CCNG1: variants seen among roughly 807,000 people sequenced by gnomAD.
CCNG1 encodes cyclin G1.
CCNG1 carries 13 observed loss-of-function variants against 30.0 expected under a neutral mutation model. The ratio of observed to expected loss-of-function variants is 0.43; its 90% CI spans 0.28 to 0.69. The LOEUF (loss-of-function observed/expected upper bound fraction) is 0.69. Among genes scored for constraint, CCNG1 ranks in the 30% least tolerant of loss-of-function variants. CCNG1 has a pLI of 0.16. For missense variants in CCNG1, 285 were observed against 331.4 expected (o/e 0.86, Z 1.09); for synonymous variants, 110 against 121.5 (o/e 0.91, Z 0.62).
intron 1 of CCNG1, among the ~76,000 whole-genome samples, chr5:163,438,894 C>T (rs1332281058): frequency 2.6e-5 from 4 of 152,056 alleles, no homozygotes; most frequent in African/African-American, 4.8e-5. Flanking sequence ...GGCGCGGTGG[C>T]GCATGCCTGT....
chr5:163,452,791 A>G, the CCNG1 span: 3 of 152,210 alleles, frequency 2.0e-5, no homozygotes, highest in African/African-American at 7.2e-5. Flanking sequence ...ACAGAACTCA[A>G]AATAAGGGGT....
At chr5:163,456,775 CAAGA>C in the CCNG1 span, among the ~76,000 whole-genome samples, 4 of 152,140 alleles carry the variant, frequency 2.6e-5, no homozygotes, top group Admixed American at 6.5e-5. Context: ...CAAATCCATA[CAAGA>C]AAGGCCATTT....
chr5:163,456,802 A>C, the CCNG1 span: 1 of 743,588 alleles, frequency 1.3e-6, no homozygotes, highest in Non-Finnish European at 2.0e-6. Context: ...CTAACAATTC[A>C]CTTTAAAAAT....
At chr5:163,443,595 C>A in intron 6 of CCNG1, 79 bp from the exon 7 acceptor site, 1 of 727,214 alleles carries the variant, frequency 1.4e-6, no homozygotes, top group Non-Finnish European at 2.4e-6. Flanking sequence ...TAGATATGAA[C>A]ATTTCAATTT....
the CCNG1 span, among the ~76,000 whole-genome samples, chr5:163,455,718 C>T: frequency 1.1e-3 from 159 of 145,528 alleles, no homozygotes; most frequent in African/African-American, 4.0e-3. Flanking sequence ...CAGCAGAGAT[C>T]GCACCACTCC....
chr5:163,443,203 T>G (rs1231225612), intron 6 of CCNG1, among the ~76,000 whole-genome samples: 1 of 151,374 alleles, frequency 6.6e-6, no homozygotes, highest in Non-Finnish European at 1.5e-5. Flanking sequence ...TCCCAGCTAC[T>G]CGGGAGGCTG....
downstream of CCNG1, chr5:163,449,398 A>G (rs1221352614): frequency 6.6e-6 from 1 of 152,224 alleles, no homozygotes; most frequent in Non-Finnish European, 1.5e-5. Flanking sequence ...CAACTTAACA[A>G]TAGTTCCTCC....
At chr5:163,449,718 A>G (rs761594404), downstream of CCNG1, 8 of 152,248 alleles carry the variant, frequency 5.3e-5, no homozygotes, top group Non-Finnish European at 1.0e-4. Context: ...ATGAAAGGAT[A>G]AACACATAGA....
chr5:163,444,518 T>TA lies in CCNG1; in HGVS notation c.*849dup, dbSNP rs1244114500. The TA allele has an allele frequency of 1.3e-5, 2 of 152,658 alleles. No individual in the cohort carries two copies. Among genetic ancestry groups the TA allele is most frequent in the African/African-American group, 4.8e-5 (2 of 41,468 alleles). 9.5% of individuals were successfully genotyped at this position (152,658 alleles called of 1,614,324 possible). On this transcript the variant is annotated 3_prime_UTR_variant, in exon 7 of 7. Transcript: ENST00000340828. The stretch of plus-strand genomic sequence containing the variant: ...CTAGATTGAACACTCCAGAATTTTT[T>TA]ACTACAGACTGTTTTTAAGTTAGAA...
the CCNG1 span, chr5:163,457,091 A>AACAC: frequency 2.7e-6 from 4 of 1,491,362 alleles, no homozygotes; most frequent in African/African-American, 4.2e-5. Context: ...CTAAAAAAAA[A>AACAC]ACACACACAC....
chr5:163,457,083 A>T, the CCNG1 span: 4 of 1,403,080 alleles, frequency 2.9e-6, no homozygotes, highest in Non-Finnish European at 2.9e-6. Flanking sequence ...TCTGTCCTCT[A>T]AAAAAAAAAC....
Position 163,442,160 on chromosome 5 carries a change from G to GC in CCNG1, c.696+19dup. 1 of 1,501,788 alleles carries GC rather than the reference G, an allele frequency of 6.7e-7. No individual in the cohort carries two copies. Among genetic ancestry groups the GC allele is most frequent in the Non-Finnish European group, 9.2e-7 (1 of 1,087,708 alleles). The allele number at this position is 1,501,788 out of a possible 1,614,324, so 93.0% of individuals were successfully genotyped here. A position where few individuals can be genotyped will look rare whatever the true frequency, so the allele number is the denominator to read the frequency against. On this transcript the variant is annotated intron_variant, in intron 5 of 6. Coordinates refer to ENST00000340828, the MANE Select transcript of CCNG1 (RefSeq NM_004060.4). ...CATTCCAAGGTATGTGAAGGACATAGCCTAAATCCTATTAACAGCTGTAAA... is the reference window on the plus strand; with the variant it reads ...CATTCCAAGGTATGTGAAGGACATAGCCCTAAATCCTATTAACAGCTGTAAA...
the CCNG1 span, among the ~76,000 whole-genome samples, chr5:163,454,702 T>C: frequency 6.6e-6 from 1 of 152,216 alleles, no homozygotes; most frequent in Non-Finnish European, 1.5e-5. Context: ...GCTATACATA[T>C]ATAAGATATT....
chr5:163,457,133 C>T, the CCNG1 span: 253 of 1,431,726 alleles, frequency 1.8e-4, 1 homozygote, highest in Middle Eastern at 2.5e-3. Flanking sequence ...AGTTCTTCAT[C>T]AAGTTGTTTT....
chr5:163,452,935 T>C, the CCNG1 span: 2 of 152,340 alleles, frequency 1.3e-5, no homozygotes, highest in East Asian at 3.9e-4. Context: ...CTGGATCCTC[T>C]TGCTATATGG....
the CCNG1 span, among the ~76,000 whole-genome samples, chr5:163,455,468 G>C: frequency 6.6e-6 from 1 of 152,272 alleles, no homozygotes; most frequent in South Asian, 2.1e-4. Flanking sequence ...GATTTTAAAA[G>C]AACTGCTCTA....
chr5:163,450,034 C>CG (rs1357087658), downstream of CCNG1: 1 of 151,902 alleles, frequency 6.6e-6, no homozygotes, highest in Non-Finnish European at 1.5e-5. Context: ...CGGGCAGATC[C>CG]GTTGAGGTCA....
At chr5:163,452,515 T>C in the CCNG1 span, 1 of 152,104 alleles carries the variant, frequency 6.6e-6, no homozygotes. Flanking sequence ...TTTAACCTGC[T>C]GAATAAAATA....
chr5:163,439,024 CAA>C (rs5872822), intron 1 of CCNG1, among the ~76,000 whole-genome samples: 5 of 97,220 alleles, frequency 5.1e-5, no homozygotes, highest in Admixed American at 1.1e-4. Context: ...GACTCCTTCT[CAA>C]AAAAAAAAAA....
Sources: allele counts gnomAD v4.1 joint callset (sites outside exome capture counted in the v4.1 genomes callset), GRCh38; gene constraint gnomAD v4.1.1; transcripts MANE v1.5; gene names NCBI Gene and HGNC (gene_info 2026-07-23, HGNC 2026-07-21).